BLK: variants seen among roughly 807,000 people sequenced by gnomAD.
The protein encoded by BLK is BLK proto-oncogene, Src family tyrosine kinase.
Under a neutral mutation model 61.8 loss-of-function variants are expected in BLK, and 64 were observed. The ratio of observed to expected loss-of-function variants is 1.03; its 90% confidence interval spans 0.85 to 1.27. The LOEUF (loss-of-function observed/expected upper bound fraction) is 1.27. Ranked by LOEUF, BLK falls within the 50% of genes most tolerant of loss-of-function variation. The pLI, the probability that BLK is intolerant of heterozygous loss-of-function variation, is 0.00. For synonymous variants in BLK, 351 were observed against 272.0 expected, an observed-to-expected ratio of 1.29 and a Z score of -2.86; for missense variants, 853 against 660.5, an observed-to-expected ratio of 1.29 and a Z score of -3.19.
Position 11,543,131 on chromosome 8 carries a change from C to T in BLK, c.-1-93C>T, listed in dbSNP as rs1310479926. The T allele has an allele frequency of 1.9e-6, 3 of 1,598,378 alleles. No homozygotes were observed. In the African/African-American group the frequency reaches 4.0e-5, roughly 21 times the overall value. On this transcript the variant is annotated intron_variant, in intron 1 of 12. Coordinates refer to ENST00000259089, the MANE Select transcript of BLK (RefSeq NM_001715.3). ...ACCCACTTCCACCCCACCTTTCTAA[C>T]CAGCCTCCCGGAAGGGGCCAGGGAT... is the stretch of plus-strand genomic sequence containing the variant.
In BLK at chr8:11,538,912, G is replaced by A. The variant is rs535350306; in HGVS notation, c.-1-4312G>A. Among the ~76,000 whole-genome samples the A allele has an allele frequency of 3.9e-5, 6 of 152,134 alleles. No homozygotes were observed. The East Asian group carries it at 1.2e-3, about 29-fold the overall frequency. ...AAATCCTCCTTTTATTTTTCTGCTT[G>A]TATCAATAATATATGCTTAGTATTA... is the stretch of plus-strand genomic sequence containing the variant. On this transcript the variant is annotated intron_variant, in intron 1 of 12. Transcript: ENST00000259089.
chr8:11,554,491 T>C (rs1408349240), intron 6 of BLK, among the ~76,000 whole-genome samples: 1 of 152,164 alleles, frequency 6.6e-6, no homozygotes, highest in Non-Finnish European at 1.5e-5. Context: ...GCCGCAGGGC[T>C]CTGTGATTCC....
At chr8:11,511,027 T>C (rs1429873534) in intron 1 of BLK, among the ~76,000 whole-genome samples, 1 of 152,156 alleles carries the variant, frequency 6.6e-6, no homozygotes, top group Admixed American at 6.5e-5. Flanking sequence ...GACACACAAA[T>C]ATTTGTGGTT....
At position 11,506,354 on chromosome 8, in the gene BLK, A is replaced by C. The variant is rs146336639; in HGVS notation, c.-2+11763A>C. 2.0e-5 allele frequency among the ~76,000 whole-genome samples: 3 copies of C among 152,312 alleles called. No individual in the cohort carries two copies. In the East Asian group the frequency reaches 5.8e-4, roughly 29 times the overall value. ...TGGCTCATTTATCATTTTTTAGAAAAAAAGAAAACAACAGAATGTGCTGAA... is the reference window on the plus strand; with the variant it reads ...TGGCTCATTTATCATTTTTTAGAAACAAAGAAAACAACAGAATGTGCTGAA... On this transcript the variant is annotated intron_variant, in intron 1 of 12. Coordinates refer to ENST00000259089, the MANE Select transcript of BLK (RefSeq NM_001715.3).
chr8:11,514,667 C>T (rs958341485), intron 1 of BLK, among the ~76,000 whole-genome samples: 3 of 152,172 alleles, frequency 2.0e-5, no homozygotes, highest in East Asian at 1.9e-4. Context: ...TCGAGTAGCC[C>T]GTGAGCCTGC....
intron 1 of BLK, among the ~76,000 whole-genome samples, chr8:11,508,654 C>T (rs1798874142): frequency 6.6e-6 from 1 of 152,254 alleles, no homozygotes; most frequent in South Asian, 2.1e-4. Context: ...GGAACTGTCA[C>T]TAGTCAATCA....
At chr8:11,499,854 C>T (rs1046809265) in intron 1 of BLK, among the ~76,000 whole-genome samples, 1 of 152,186 alleles carries the variant, frequency 6.6e-6, no homozygotes, top group East Asian at 1.9e-4. Context: ...CAGCTTTATA[C>T]ACATTTTTTT....
rs1262723581 is a variant in BLK at position 11,563,947 on chromosome 8, CG to C, written c.1358del (p.Arg453ProfsTer131). ...CATCCGCAACCTGGAGCGCGGCTAC[CG>C]CATGCCGCGCCCCGACACCTGCCCG... ...EVIRNLERGY[R>X]MPRPDTCPPE... On this transcript the variant is annotated frameshift_variant, in exon 13 of 13. Coordinates refer to ENST00000259089, the MANE Select transcript of BLK (RefSeq NM_001715.3). LOFTEE classifies it high-confidence loss of function. The C allele has an allele frequency of 6.2e-7, 1 of 1,607,308 alleles. No individual in the cohort carries two copies. Among genetic ancestry groups the C allele is most frequent in the African/African-American group, 1.3e-5 (1 of 74,892 alleles).
chr8:11,541,805 T>C (rs1294357513), intron 1 of BLK, among the ~76,000 whole-genome samples: 2 of 152,120 alleles, frequency 1.3e-5, no homozygotes, highest in African/African-American at 4.8e-5. Context: ...GCCAAACCCA[T>C]AATCTCTTAT....
chr8:11,504,221 C>G (rs1257103497), intron 1 of BLK, among the ~76,000 whole-genome samples: 1 of 151,934 alleles, frequency 6.6e-6, no homozygotes, highest in Non-Finnish European at 1.5e-5. Flanking sequence ...ACTCAGGAGG[C>G]TGAGGTAGGA....
intron 1 of BLK, among the ~76,000 whole-genome samples, chr8:11,527,893 G>T (rs1344296459): frequency 6.6e-6 from 1 of 152,118 alleles, no homozygotes; most frequent in Non-Finnish European, 1.5e-5. Context: ...CTCCTGAGCA[G>T]TAAGGGATTA....
Position 11,564,366 on chromosome 8 carries a change from G to A in BLK, c.*258G>A, listed in dbSNP as rs1327792961. The A allele has an allele frequency of 1.5e-6, 1 of 686,972 alleles. No homozygotes were observed. Among genetic ancestry groups the A allele is most frequent in the East Asian group, 2.8e-5 (1 of 36,096 alleles). 42.6% of individuals were successfully genotyped at this position (686,972 alleles called of 1,614,324 possible). A position where few individuals can be genotyped will look rare whatever the true frequency, so the allele number is the denominator to read the frequency against. ...CAGTGACCTCGCACGGTCATCCGGA[G>A]TACTAAGCCCCAGTAAGGTGTTCAG... On this transcript the variant is annotated 3_prime_UTR_variant, in exon 13 of 13. Transcript: ENST00000259089.
At chr8:11,539,063 T>G (rs995407167) in intron 1 of BLK, among the ~76,000 whole-genome samples, 1 of 152,106 alleles carries the variant, frequency 6.6e-6, no homozygotes, top group Non-Finnish European at 1.5e-5. Flanking sequence ...ACACCGTTTT[T>G]TAAGTCCGCT....
Position 11,555,362 on chromosome 8 carries a change from C to T in BLK, c.650C>T (p.Thr217Ile). The stretch of plus-strand genomic sequence containing the variant: ...GGGGATGGTCTATGCCAGAGGCTGA[C>T]CCTGCCCTGTGTGCGCCCGGCCCCG... ...KKGDGLCQRLTLPCVRPAPQN... is the reference protein window; with the variant it reads ...KKGDGLCQRLILPCVRPAPQN... The change falls in exon 8 of 13, where the codon ACC becomes ATC. Residue 217 changes from threonine to isoleucine, a missense_variant. Coordinates refer to ENST00000259089, the MANE Select transcript of BLK (RefSeq NM_001715.3). The T allele has an allele frequency of 6.2e-7, 1 of 1,614,156 alleles. No homozygotes were observed. The highest frequency in any genetic ancestry group is 8.5e-7 in the Non-Finnish European group (1 of 1,180,028).
chr8:11,501,009 G>C (rs1798537312), intron 1 of BLK, among the ~76,000 whole-genome samples: 1 of 151,924 alleles, frequency 6.6e-6, no homozygotes, highest in Admixed American at 6.6e-5. Context: ...AGGGGTTCGA[G>C]ACCAGCCTGG....
intron 11 of BLK, 58 bp from the exon 12 acceptor site, chr8:11,562,921 A>T: frequency 1.2e-6 from 2 of 1,610,722 alleles, no homozygotes; most frequent in South Asian, 2.2e-5. Context: ...AGGGGTGAGG[A>T]TGGAGGGTAG....
intron 1 of BLK, among the ~76,000 whole-genome samples, chr8:11,499,081 G>A (rs888490820): frequency 6.6e-6 from 1 of 152,198 alleles, no homozygotes. Flanking sequence ...CAGTCACAGG[G>A]CACATAAGAT....
Position 11,557,407 on chromosome 8 carries a change from C to T in BLK, c.953-555C>T, listed in dbSNP as rs536352209. Among the ~76,000 whole-genome samples the T allele has an allele frequency of 7.7e-4, 118 of 152,288 alleles. 5 individuals carry two copies. The South Asian group carries it at 0.022, about 29-fold the overall frequency. ...CTCCCTAACAACTGTCACCAAGGGG[C>T]CCCCGGTCGGAGGCTGTGCTGGGGG... On this transcript the variant is annotated intron_variant, in intron 9 of 12. Coordinates refer to ENST00000259089, the MANE Select transcript of BLK (RefSeq NM_001715.3).
At chr8:11,514,039 G>T (rs146660807) in intron 1 of BLK, among the ~76,000 whole-genome samples, 78 of 152,322 alleles carry the variant, frequency 5.1e-4, no homozygotes, top group African/African-American at 1.8e-3. Flanking sequence ...AATAAAACTC[G>T]TAATGACACA....
Sources: gnomAD v4.1 joint callset for allele counts (sites outside exome capture counted in the v4.1 genomes callset) on GRCh38, gnomAD v4.1.1 for gene constraint, MANE v1.5 for transcripts, NCBI Gene and HGNC (gene_info 2026-07-23, HGNC 2026-07-21) for gene names.